The following MON2 variants were observed in gnomAD, a reference collection of about 807,000 sequenced individuals.
The protein encoded by MON2 is protein MON2 homolog.
MON2 carries 84 observed loss-of-function variants against 208.6 expected under a neutral mutation model. The ratio of observed to expected loss-of-function variants is 0.40; its 90% CI spans 0.34 to 0.48. The LOEUF (loss-of-function observed/expected upper bound fraction) is 0.48, where lower values mean the gene tolerates loss of function less well. Among genes scored for constraint, MON2 ranks in the 20% least tolerant of loss-of-function variants. The pLI is 0.59. For missense variants in MON2, 1,611 were observed against 2,015.4 expected, an observed-to-expected ratio of 0.80 and a Z score of 3.84; for synonymous variants, 660 against 694.0, an observed-to-expected ratio of 0.95 and a Z score of 0.77.
At chr12:62,531,060 C>T (rs1259492161) in intron 11 of MON2, among the ~76,000 whole-genome samples, 1 of 152,084 alleles carries the variant, frequency 6.6e-6, no homozygotes, top group Non-Finnish European at 1.5e-5. Flanking sequence ...ATTCATTGCT[C>T]CTTTTTAATT....
intron 23 of MON2, among the ~76,000 whole-genome samples, chr12:62,552,044 A>G (rs957366011): frequency 6.6e-6 from 1 of 152,198 alleles, no homozygotes; most frequent in African/African-American, 2.4e-5. Context: ...TAAATACAGT[A>G]TAACTAGTTA....
At chr12:62,501,493 T>C in intron 6 of MON2, 80 bp from the exon 7 acceptor site, 8 of 1,515,758 alleles carry the variant, frequency 5.3e-6, no homozygotes, top group Non-Finnish European at 7.2e-6. Context: ...AGATAGATTT[T>C]TTTTAAAGAT....
chr12:62,565,353 G>A lies in MON2; in HGVS notation c.4149G>A (p.Lys1383=). ...CACAGTATGGACAGCTGGAAACAAA[G>A]CACATTGCAAATGCAAAATATAATC... is the stretch of plus-strand genomic sequence containing the variant. ...KPPQYGQLET[K]HIANAKYNQI... is the part of the protein sequence containing the mutation. The change falls in exon 27 of 35, where the codon AAG becomes AAA. Residue 1383 remains lysine (K), a synonymous_variant. Transcript: ENST00000393630. The A allele has an allele frequency of 6.2e-7, 1 of 1,606,758 alleles. No individual in the cohort carries two copies. Among genetic ancestry groups the A allele is most frequent in the Non-Finnish European group, 8.5e-7 (1 of 1,177,528 alleles).
At chr12:62,474,612 C>T (rs1407979654) in intron 1 of MON2, among the ~76,000 whole-genome samples, 5 of 148,742 alleles carry the variant, frequency 3.4e-5, no homozygotes, top group East Asian at 2.0e-4. Flanking sequence ...TTAGTAGAGA[C>T]GGGGTTTCTC....
intron 25 of MON2, among the ~76,000 whole-genome samples, chr12:62,558,553 C>G (rs775264840): frequency 1.3e-5 from 2 of 152,072 alleles, no homozygotes; most frequent in Non-Finnish European, 2.9e-5. Flanking sequence ...TATAGTGATT[C>G]ATGAGACTTT....
At chr12:62,533,817 A>G (rs2072775424) in intron 12 of MON2, among the ~76,000 whole-genome samples, 1 of 152,164 alleles carries the variant, frequency 6.6e-6, no homozygotes. Flanking sequence ...CATTTCTAAA[A>G]TGTCTGTTTC....
intron 21 of MON2, among the ~76,000 whole-genome samples, chr12:62,545,364 G>A (rs1436080459): frequency 6.6e-6 from 1 of 151,362 alleles, no homozygotes. Context: ...CCTTACATGG[G>A]GAGAAAATAA....
intron 30 of MON2, among the ~76,000 whole-genome samples, chr12:62,573,559 A>T (rs2074676447): frequency 6.6e-6 from 1 of 151,920 alleles, no homozygotes; most frequent in South Asian, 2.1e-4. Context: ...GATCCTGTAT[A>T]TAAAAAAAAA....
intron 8 of MON2, among the ~76,000 whole-genome samples, chr12:62,516,475 C>T (rs1221091140): frequency 3.3e-5 from 5 of 152,030 alleles, no homozygotes; most frequent in African/African-American, 4.8e-5. Flanking sequence ...GAGGCCAAGG[C>T]GGCCAGATCA....
chr12:62,495,200 A>G, intron 4 of MON2, 53 bp downstream of exon 4: 1 of 1,489,518 alleles, frequency 6.7e-7, no homozygotes, highest in Non-Finnish European at 9.0e-7. Context: ...GTATTTGAAT[A>G]AGCTGGCTGA....
chr12:62,485,132 G>C (rs567449922), intron 2 of MON2, among the ~76,000 whole-genome samples: 189 of 152,240 alleles, frequency 1.2e-3, no homozygotes, highest in African/African-American at 4.3e-3. Context: ...CTGCTACAGT[G>C]TGCTACCATG....
chr12:62,500,707 A>G (rs2070780248), intron 5 of MON2, 76 bp from the exon 6 acceptor site: 4 of 676,734 alleles, frequency 5.9e-6, no homozygotes, highest in Non-Finnish European at 9.8e-6. Flanking sequence ...TATTTTAAAC[A>G]TTATCTTTTA....
intron 11 of MON2, among the ~76,000 whole-genome samples, chr12:62,527,991 T>G (rs1259722960): frequency 1.3e-5 from 2 of 152,238 alleles, no homozygotes; most frequent in African/African-American, 4.8e-5. Flanking sequence ...ACTGTGATTT[T>G]GAGTATAGCA....
At chr12:62,583,061 G>A (rs578010097) in intron 32 of MON2, among the ~76,000 whole-genome samples, 55 of 152,274 alleles carry the variant, frequency 3.6e-4, no homozygotes, top group African/African-American at 1.0e-3. Context: ...GGCTGGGCAC[G>A]GTGGCTCAGG....
At chr12:62,577,188 C>T (rs1275468960) in intron 30 of MON2, among the ~76,000 whole-genome samples, 1 of 151,984 alleles carries the variant, frequency 6.6e-6, no homozygotes, top group Non-Finnish European at 1.5e-5. Flanking sequence ...GCTTTGATGG[C>T]AGTGATTGTG....
chr12:62,504,652 A>G (rs1444037687), intron 7 of MON2, among the ~76,000 whole-genome samples: 1 of 151,718 alleles, frequency 6.6e-6, no homozygotes, highest in East Asian at 1.9e-4. Context: ...TTCATCCTGT[A>G]CAATTTTCTT....
chr12:62,468,351 C>T (rs941171109), intron 1 of MON2, among the ~76,000 whole-genome samples: 26 of 151,960 alleles, frequency 1.7e-4, no homozygotes, highest in African/African-American at 6.0e-4. Context: ...TATTTTTATT[C>T]CTATTTAATG....
At chr12:62,512,699 C>T (rs1039852911) in intron 8 of MON2, among the ~76,000 whole-genome samples, 9 of 152,204 alleles carry the variant, frequency 5.9e-5, no homozygotes, top group African/African-American at 2.2e-4. Flanking sequence ...TCTCACAGCT[C>T]CACTAGGCGG....
Position 62,472,768 on chromosome 12 carries a change from T to G in MON2, c.111+5450T>G, listed in dbSNP as rs552194679. 3.8e-4 allele frequency among the ~76,000 whole-genome samples: 58 copies of G among 152,360 alleles called. 1 individual carries two copies. The South Asian group carries it at 0.011, about 28-fold the overall frequency. On this transcript the variant is annotated intron_variant, in intron 1 of 34. Transcript: ENST00000393630. The stretch of plus-strand genomic sequence containing the variant: ...ATTGAAGATGAGGGCTGGATAATCT[T>G]TACGAGCTTACTTGGGATCTGTTTT...
Sources: allele counts gnomAD v4.1 joint callset (sites outside exome capture counted in the v4.1 genomes callset), GRCh38; gene constraint gnomAD v4.1.1; transcripts MANE v1.5; gene names NCBI Gene and HGNC (gene_info 2026-07-23, HGNC 2026-07-21).